Variants in PLBD1 observed in about 807,000 individuals in gnomAD.
PLBD1 encodes phospholipase B domain containing 1.
PLBD1 carries 60 observed loss-of-function variants against 63.0 expected under a neutral mutation model. The ratio of observed to expected loss-of-function variants is 0.95; its 90% confidence interval spans 0.77 to 1.18. PLBD1 has a LOEUF of 1.18. PLBD1 is among the 50% of genes most tolerant of loss of function. PLBD1 has a pLI of 0.00. For synonymous variants in PLBD1, 262 were observed against 248.0 expected, an observed-to-expected ratio of 1.06 and a Z score of -0.53; for missense variants, 598 against 677.9, an observed-to-expected ratio of 0.88 and a Z score of 1.31.
Position 14,536,657 on chromosome 12 carries a change from A to T in PLBD1, c.612T>A (p.Asp204Glu), listed in dbSNP as rs1945518505. 1 of 1,614,084 alleles carries T rather than the reference A, an allele frequency of 6.2e-7. No individual in the cohort carries two copies. Among genetic ancestry groups the T allele is most frequent in the African/African-American group, 1.3e-5 (1 of 74,944 alleles). Reference protein sequence around the residue: ...QFLNSVGDLLDLIPSLSPTKN... With the variant: ...QFLNSVGDLLELIPSLSPTKN... ...TTGTGGGAGAGAGTGAGGGAATCAG[A>T]TCCAATAGATCTCCAACACTATTCA... The change falls in exon 5 of 11, where the codon GAT becomes GAA. Residue 204 changes from aspartate to glutamate, a missense_variant. Physicochemically the swap from Asp to Glu is conservative, Grantham distance 45 (BLOSUM62 2). Transcript: ENST00000240617.
At chr12:14,554,294 C>T (rs1437303461) in intron 1 of PLBD1, 1 of 152,230 alleles carries the variant, frequency 6.6e-6, no homozygotes, top group African/African-American at 2.4e-5. Flanking sequence ...TTTAGGAACT[C>T]TGTTCTATCT....
At chr12:14,560,378 A>G (rs1945736133) in intron 1 of PLBD1, among the ~76,000 whole-genome samples, 1 of 152,176 alleles carries the variant, frequency 6.6e-6, no homozygotes, top group African/African-American at 2.4e-5. Context: ...GTCAGAGGGG[A>G]AAAAAAGAGA....
intron 10 of PLBD1, 142 bp from the exon 11 acceptor site, chr12:14,504,096 C>G: frequency 3.9e-6 from 3 of 767,138 alleles, no homozygotes; most frequent in Non-Finnish European, 4.1e-6. Flanking sequence ...GTTGCCCAGA[C>G]TGGAGTACAG....
chr12:14,542,782 T>C (rs1345114496), intron 2 of PLBD1, among the ~76,000 whole-genome samples: 1 of 152,210 alleles, frequency 6.6e-6, no homozygotes, highest in Non-Finnish European at 1.5e-5. Context: ...GCACGGTGGC[T>C]CATGCCTGTA....
At chr12:14,513,344 CATA>C (rs1457779610) in intron 6 of PLBD1, among the ~76,000 whole-genome samples, 5 of 152,296 alleles carry the variant, frequency 3.3e-5, no homozygotes, top group African/African-American at 9.6e-5. Context: ...TGTCATATAT[CATA>C]ATGTCTCAGA....
chr12:14,542,137 G>C lies in PLBD1; in HGVS notation c.419+71C>G. 2.3e-6 allele frequency: 3 copies of C among 1,324,892 alleles called. No homozygotes were observed. In the South Asian group the frequency reaches 3.6e-5, roughly 16 times the overall value. The allele number at this position is 1,324,892 out of a possible 1,614,324, so 82.1% of individuals were successfully genotyped here. A position where few individuals can be genotyped will look rare whatever the true frequency, so the allele number is the denominator to read the frequency against. On this transcript the variant is annotated intron_variant, in intron 3 of 10. Transcript: ENST00000240617. ...ATTAAAAAGAAATTGGCAAAAAATT[G>C]CTGCTTGAAATTACAGATTCAGTGC...
At chr12:14,532,573 G>A (rs1242093092) in intron 6 of PLBD1, among the ~76,000 whole-genome samples, 1 of 152,126 alleles carries the variant, frequency 6.6e-6, no homozygotes, top group African/African-American at 2.4e-5. Context: ...TATATACTGT[G>A]AGGGCCAACT....
intron 6 of PLBD1, among the ~76,000 whole-genome samples, chr12:14,522,335 C>T (rs1013835398): frequency 6.6e-6 from 1 of 151,952 alleles, no homozygotes; most frequent in Non-Finnish European, 1.5e-5. Context: ...TTTGAACAGA[C>T]CAATAACAAG....
At chr12:14,509,056 C>CAT (rs1290773013) in intron 8 of PLBD1, among the ~76,000 whole-genome samples, 1 of 150,384 alleles carries the variant, frequency 6.6e-6, no homozygotes, top group East Asian at 2.0e-4. Flanking sequence ...TTGGGCAAAA[C>CAT]ATGTTTCTTT....
intron 6 of PLBD1, among the ~76,000 whole-genome samples, chr12:14,521,267 C>T (rs1216261570): frequency 2.0e-5 from 3 of 152,050 alleles, no homozygotes; most frequent in Non-Finnish European, 4.4e-5. Flanking sequence ...TCCTGACGCC[C>T]AAGGAACAGA....
rs1033561618 is a variant in PLBD1 at position 14,567,750 on chromosome 12, G to A, written c.-54C>T. ...GGATCAGGCGGCCGCGGTGGCCCGC[G>A]GTGGCAGAAGTTGCAAGAGAGGCTC... On this transcript the variant is annotated 5_prime_UTR_variant, in exon 1 of 11. Transcript: ENST00000240617. 22 of 1,382,628 alleles carry A rather than the reference G, an allele frequency of 1.6e-5. No individual in the cohort carries two copies. The African/African-American group carries it at 2.5e-4, about 15-fold the overall frequency. 85.6% of individuals were successfully genotyped at this position (1,382,628 alleles called of 1,614,324 possible).
At chr12:14,510,739 A>G (rs758272411) in intron 8 of PLBD1, among the ~76,000 whole-genome samples, 18 of 152,234 alleles carry the variant, frequency 1.2e-4, no homozygotes, top group Non-Finnish European at 2.5e-4. Context: ...GCCCACCAGA[A>G]GTGCCTTCTC....
intron 2 of PLBD1, among the ~76,000 whole-genome samples, chr12:14,545,004 C>G (rs983324870): frequency 2.6e-5 from 4 of 151,726 alleles, no homozygotes; most frequent in African/African-American, 7.3e-5. Flanking sequence ...TTCTTTCCCC[C>G]CTCTCTGTCT....
At position 14,514,743 on chromosome 12, in the gene PLBD1, T is replaced by A. The variant is rs1030505961; in HGVS notation, c.845-3032A>T. ...TACATACAATTATAATCTTTTTAAATTTTTTTTTTTTTTGAGACAGGGTCT... is the reference window on the plus strand; with the variant it reads ...TACATACAATTATAATCTTTTTAAAATTTTTTTTTTTTTGAGACAGGGTCT... On this transcript the variant is annotated intron_variant, in intron 6 of 10. Transcript: ENST00000240617. Among the ~76,000 whole-genome samples the A allele has an allele frequency of 8.7e-5, 7 of 80,472 alleles. No individual in the cohort carries two copies. In the East Asian group the frequency reaches 9.6e-4, roughly 11 times the overall value. 52.8% of individuals were successfully genotyped at this position (80,472 alleles called of 152,430 possible).
chr12:14,514,043 T>A (rs1279480394), intron 6 of PLBD1, among the ~76,000 whole-genome samples: 1 of 152,140 alleles, frequency 6.6e-6, no homozygotes, highest in Non-Finnish European at 1.5e-5. Context: ...CCTCCCAAAG[T>A]GCTGGGATTA....
At chr12:14,559,594 G>C (rs1945730874) in intron 1 of PLBD1, among the ~76,000 whole-genome samples, 1 of 152,134 alleles carries the variant, frequency 6.6e-6, no homozygotes, top group South Asian at 2.1e-4. Context: ...AAGAGCAAGA[G>C]CTATTTGTTG....
At chr12:14,533,314 T>A (rs1945481691) in intron 6 of PLBD1, 2 of 152,236 alleles carry the variant, frequency 1.3e-5, no homozygotes, top group African/African-American at 4.8e-5. Context: ...AAAATATGAA[T>A]CCCACTGTTC....
rs2136903066 is a variant in PLBD1, at chr12:14,507,076, T to C, written c.1229A>G (p.Tyr410Cys). ...TAACAGTGGATAGCCACTCCAGTTG[T>C]AGATTTTTTCATGGAAAGGAACATT... ...SYNVPFHEKIYNWSGYPLLVQ... is the reference protein window; with the variant it reads ...SYNVPFHEKICNWSGYPLLVQ... The change falls in exon 9 of 11, where the codon TAC becomes TGC. Residue 410 changes from tyrosine (Y) to cysteine (C), a missense_variant. By Grantham distance (194) the Tyr-to-Cys change is radical. Coordinates refer to ENST00000240617, the MANE Select transcript of PLBD1 (RefSeq NM_024829.6). The C allele has an allele frequency of 6.8e-6, 11 of 1,613,248 alleles. No individual in the cohort carries two copies. Among genetic ancestry groups the C allele is most frequent in the East Asian group, 4.5e-5 (2 of 44,854 alleles).
At chr12:14,540,992 A>T (rs1341448879) in intron 3 of PLBD1, 90 bp from the exon 4 acceptor site, 3 of 1,298,214 alleles carry the variant, frequency 2.3e-6, no homozygotes, top group South Asian at 1.8e-5. Flanking sequence ...ATATACTCAG[A>T]CACTTATGCT....
Sources: gnomAD v4.1 joint callset for allele counts (sites outside exome capture counted in the v4.1 genomes callset) on GRCh38, gnomAD v4.1.1 for gene constraint, MANE v1.5 for transcripts, NCBI Gene and HGNC (gene_info 2026-07-23, HGNC 2026-07-21) for gene names.